GRIP2: variants seen among roughly 807,000 people sequenced by gnomAD.
The protein encoded by GRIP2 is glutamate receptor interacting protein 2.
In GRIP2, 58 loss-of-function variants were observed where a neutral mutation model predicts 108.3. The observed-to-expected ratio is 0.54, with a 90% CI of 0.43 to 0.67. The LOEUF (loss-of-function observed/expected upper bound fraction) is 0.67, where lower values mean the gene tolerates loss of function less well. Ranked by LOEUF, GRIP2 falls within the 30% of genes least tolerant of loss-of-function variation. The pLI is 0.00. For synonymous variants in GRIP2, 586 were observed against 598.2 expected (o/e 0.98, Z 0.30); for missense variants, 1,278 against 1,430.6 (o/e 0.89, Z 1.72).
At chr3:14,568,723 C>T in the GRIP2 span, among the ~76,000 whole-genome samples, 1 of 152,260 alleles carries the variant, frequency 6.6e-6, no homozygotes. Context: ...TGGGATGGGG[C>T]CCCTGCATAG....
At chr3:14,526,012 ACTCT>A (rs1694545270) in intron 1 of GRIP2, 81 bp from the exon 2 acceptor site, 1 of 1,267,796 alleles carries the variant, frequency 7.9e-7, no homozygotes, top group Admixed American at 2.0e-5. Context: ...GGAATTTTCC[ACTCT>A]GTGGACGTGG....
At chr3:14,514,192 A>G in intron 12 of GRIP2, 100 bp downstream of exon 12, 1 of 1,105,566 alleles carries the variant, frequency 9.0e-7, no homozygotes, top group South Asian at 1.6e-5. Context: ...GGCTGATGCA[A>G]TGGTTAAGTG....
chr3:14,572,605 CCGTCT>C, the GRIP2 span, among the ~76,000 whole-genome samples: 1 of 40,908 alleles, frequency 2.4e-5, no homozygotes. Context: ...GAGCGAGACT[CCGTCT>C]CAAAAAAAAA....
At position 14,551,610 on chromosome 3, in the gene GRIP2, G is replaced by A. The variant is rs368878159; in HGVS notation, c.55+4290C>T. ...ATCGCTGTTTCTGCAGGGCTGTCCCGGGACAGGAGAAGCACAGAGAAGGCA... is the reference window on the plus strand; with the variant it reads ...ATCGCTGTTTCTGCAGGGCTGTCCCAGGACAGGAGAAGCACAGAGAAGGCA... On this transcript the variant is annotated intron_variant, in intron 1 of 23. Coordinates refer to the GRIP2 transcript ENST00000637182. Among the ~76,000 whole-genome samples, 4 of 152,288 alleles carry A rather than the reference G, an allele frequency of 2.6e-5. 1 individual carries two copies. The highest frequency in any genetic ancestry group is 1.9e-4 in the East Asian group (1 of 5,170).
chr3:14,526,225 T>C (rs1694551210), intron 1 of GRIP2, among the ~76,000 whole-genome samples: 2 of 152,244 alleles, frequency 1.3e-5, no homozygotes, highest in Admixed American at 1.3e-4. Flanking sequence ...GTTGTTACCA[T>C]GGATCAGATT....
Position 14,507,820 on chromosome 3 carries a change from C to T in GRIP2, c.2079-120G>A, listed in dbSNP as rs1476613380. The T allele has an allele frequency of 2.8e-5, 32 of 1,146,040 alleles. No homozygotes were observed. Among genetic ancestry groups the T allele is most frequent in the Non-Finnish European group, 3.7e-5 (30 of 803,062 alleles). 71.0% of individuals were successfully genotyped at this position (1,146,040 alleles called of 1,614,324 possible). A position where few individuals can be genotyped will look rare whatever the true frequency, so the allele number is the denominator to read the frequency against. ...AGAAGTCTGGCTGACCCCAGTTAAA[C>T]CCAGCTGCCAAAAACAAAACAAAAG... On this transcript the variant is annotated intron_variant, in intron 17 of 23. Coordinates refer to ENST00000621039, the MANE Select transcript of GRIP2 (RefSeq NM_001080423.4). The surrounding 1 kb of genome is among the most constrained non-coding windows in gnomAD (Gnocchi z 4.6).
chr3:14,533,603 C>T (rs891314408), intron 1 of GRIP2, among the ~76,000 whole-genome samples: 2 of 151,966 alleles, frequency 1.3e-5, no homozygotes, highest in African/African-American at 2.4e-5. Flanking sequence ...ACAGGGTGCC[C>T]GATGTTGGCT....
chr3:14,573,984 C>G, the GRIP2 span: 3 of 1,130,094 alleles, frequency 2.7e-6, no homozygotes, highest in Non-Finnish European at 4.0e-6. Context: ...CTGGCATATG[C>G]AAGGCGAAAA....
chr3:14,525,645 G>T, intron 2 of GRIP2, 73 bp from the exon 3 acceptor site: 2 of 1,572,844 alleles, frequency 1.3e-6, no homozygotes, highest in Non-Finnish European at 8.7e-7. Context: ...TAAGATAAGC[G>T]AGGCGAGCAC....
intron 1 of GRIP2, among the ~76,000 whole-genome samples, chr3:14,536,299 A>G (rs899510121): frequency 6.6e-6 from 1 of 152,322 alleles, no homozygotes; most frequent in Admixed American, 6.5e-5. Context: ...CAGTTTACAG[A>G]TAGGGAGCCT....
intron 1 of GRIP2, among the ~76,000 whole-genome samples, chr3:14,533,972 C>G (rs13066416): frequency 0.18 from 26,997 of 152,204 alleles, 2,483 homozygotes; most frequent in South Asian, 0.2. Context: ...CTTCCCTAGG[C>G]ATCTCAGGGT....
the GRIP2 span, among the ~76,000 whole-genome samples, chr3:14,585,400 C>T: frequency 1.3e-5 from 2 of 152,230 alleles, no homozygotes; most frequent in Non-Finnish European, 2.9e-5. Context: ...TTAGTGAGCC[C>T]CCATGGGGCC....
At position 14,491,207 on chromosome 3, in the gene GRIP2, G is replaced by T. The variant is rs896230486; in HGVS notation, c.*2458C>A. ...TTTTATTTTAAAAAATCATCCCCAT[G>T]GCACCTACCCCCAAGCCACTGCAAC... On this transcript the variant is annotated 3_prime_UTR_variant, in exon 24 of 24. Coordinates refer to ENST00000621039, the MANE Select transcript of GRIP2 (RefSeq NM_001080423.4). 3.3e-5 allele frequency: 5 copies of T among 152,086 alleles called. No homozygotes were observed. The highest frequency in any genetic ancestry group is 7.3e-5 in the Non-Finnish European group (5 of 68,028). The allele number at this position is 152,086 out of a possible 1,614,324, so 9.4% of individuals were successfully genotyped here.
chr3:14,524,234 G>A, intron 4 of GRIP2, 159 bp downstream of exon 4: 1 of 768,698 alleles, frequency 1.3e-6, no homozygotes, highest in Non-Finnish European at 2.0e-6. Flanking sequence ...TGCGGTTGTA[G>A]GCACAGCCCC....
At chr3:14,599,918 A>T in the GRIP2 span, among the ~76,000 whole-genome samples, 1 of 152,164 alleles carries the variant, frequency 6.6e-6, no homozygotes, top group South Asian at 2.1e-4. Flanking sequence ...TAAAGCAAGA[A>T]TCACAGAGTA....
chr3:14,585,947 G>A, the GRIP2 span, among the ~76,000 whole-genome samples: 3 of 152,180 alleles, frequency 2.0e-5, no homozygotes, highest in African/African-American at 4.8e-5. Flanking sequence ...GGTTTCCCAT[G>A]ATGCTCAGAA....
chr3:14,510,889 G>A (rs1006983916), intron 16 of GRIP2, among the ~76,000 whole-genome samples: 3 of 152,212 alleles, frequency 2.0e-5, no homozygotes, highest in Admixed American at 2.0e-4. Context: ...GCTGCACCCA[G>A]TAGGTCTCCT....
In GRIP2 at chr3:14,490,141, TG is replaced by T. The variant is rs10716095; in HGVS notation, c.*3523del. On this transcript the variant is annotated 3_prime_UTR_variant, in exon 24 of 24. Transcript: ENST00000621039. Reference sequence around the variant, plus strand: ...CCTGCCTGCCTCTCTCTATGTGTACTGGGCCATGTGGCTTGTGTTCAAGCCC... The same window carrying T: ...CCTGCCTGCCTCTCTCTATGTGTACTGGCCATGTGGCTTGTGTTCAAGCCC... 152,364 of 152,370 alleles carry T rather than the reference TG, an allele frequency of 1. 76,179 individuals are homozygous for T. The highest frequency in any genetic ancestry group is 1 in the Middle Eastern group (296 of 296). 9.4% of individuals were successfully genotyped at this position (152,370 alleles called of 1,614,324 possible).
chr3:14,506,700 G>A (rs2276756), intron 19 of GRIP2, 101 bp downstream of exon 19: 496,763 of 1,148,264 alleles, frequency 0.43, 111,051 homozygotes, highest in East Asian at 0.64. Context: ...GGAGAGGAGC[G>A]CAGGAGGGAG....
Sources: gnomAD v4.1 joint callset for allele counts (sites outside exome capture counted in the v4.1 genomes callset) on GRCh38, gnomAD v4.1.1 for gene constraint, Gnocchi (gnomAD v3.1) non-coding constraint, MANE v1.5 for transcripts, NCBI Gene and HGNC (gene_info 2026-07-23, HGNC 2026-07-21) for gene names.